SDK1: variants seen among roughly 807,000 people sequenced by gnomAD.
SDK1 encodes protein sidekick-1.
A neutral mutation model predicts 245.5 loss-of-function variants in SDK1; 157 were observed. That is an observed-to-expected ratio of 0.64 (90% confidence interval 0.56 to 0.73). The LOEUF (loss-of-function observed/expected upper bound fraction) is 0.73. SDK1 is among the 30% of genes least tolerant of loss of function. The pLI is 0.00. For synonymous variants in SDK1, 1,647 were observed against 1,278.5 expected (o/e 1.29, Z -6.15); for missense variants, 3,583 against 3,002.3 (o/e 1.19, Z -4.52).
chr7:3,527,263 T>A (rs1443399322), intron 1 of SDK1, among the ~76,000 whole-genome samples: 1 of 152,218 alleles, frequency 6.6e-6, no homozygotes, highest in Non-Finnish European at 1.5e-5. Flanking sequence ...ATATACAAAT[T>A]ACATTCTAGT....
chr7:3,616,808 T>C (rs1342988726), intron 1 of SDK1, among the ~76,000 whole-genome samples: 1 of 152,224 alleles, frequency 6.6e-6, no homozygotes, highest in Non-Finnish European at 1.5e-5. Flanking sequence ...AGTGTTAACA[T>C]TTCTAATGTG....
At chr7:4,172,289 A>T (rs1001527944) in intron 32 of SDK1, among the ~76,000 whole-genome samples, 1 of 152,142 alleles carries the variant, frequency 6.6e-6, no homozygotes, top group African/African-American at 2.4e-5. Context: ...AAACCTCCTG[A>T]GTCTGCCGGG....
At chr7:3,472,147 C>G in intron 1 of SDK1, among the ~76,000 whole-genome samples, 1 of 152,132 alleles carries the variant, frequency 6.6e-6, no homozygotes, top group South Asian at 2.1e-4. Context: ...TGCATAGTTC[C>G]CTCCATTACT....
In SDK1 at chr7:4,026,338, A is replaced by G. The variant is rs1268280387; in HGVS notation, c.2602+8986A>G. Among the ~76,000 whole-genome samples the G allele has an allele frequency of 6.6e-6, 1 of 152,264 alleles. No homozygotes were observed. ...TTCCACCCTCGGTGGCCTTGGGCCC[A>G]TGTTTTAGAAGCTCAGCGTTTGGCA... On this transcript the variant is annotated intron_variant, in intron 17 of 44. Transcript: ENST00000404826. The surrounding 1 kb of genome is among the most constrained non-coding windows in gnomAD (Gnocchi z 4.1).
rs116487048 is a variant in SDK1, at chr7:4,106,649, G to A, written c.3325-4014G>A. Among the ~76,000 whole-genome samples the A allele has an allele frequency of 6.2e-3, 949 of 152,270 alleles. 14 individuals are homozygous for A. Among genetic ancestry groups the A allele is most frequent in the African/African-American group, 0.021 (874 of 41,570 alleles). On this transcript the variant is annotated intron_variant, in intron 22 of 44. Coordinates refer to ENST00000404826, the MANE Select transcript of SDK1 (RefSeq NM_152744.4). Reference sequence around the variant, plus strand: ...TCCCAGCATCTCTGCAGAGGGAGCCGCACGCCCGGCGTTCTCAGAGAAACC... The same window carrying A: ...TCCCAGCATCTCTGCAGAGGGAGCCACACGCCCGGCGTTCTCAGAGAAACC...
rs550757540 is a variant in SDK1, at chr7:4,152,621, A to G, written c.4625+3158A>G. Among the ~76,000 whole-genome samples the G allele has an allele frequency of 1.7e-4, 26 of 152,320 alleles. No individual in the cohort carries two copies. In the South Asian group the frequency reaches 5.0e-3, roughly 29 times the overall value. On this transcript the variant is annotated intron_variant, in intron 30 of 44. Transcript: ENST00000404826. ...TTTGGTATAGGAGAGACCAATGTCA[A>G]TTTCCTAATGGGCCAGAACTAGGAC... is the stretch of plus-strand genomic sequence containing the variant.
At chr7:3,806,731 G>A (rs1338994571) in intron 4 of SDK1, among the ~76,000 whole-genome samples, 1 of 152,202 alleles carries the variant, frequency 6.6e-6, no homozygotes, top group African/African-American at 2.4e-5. Context: ...GAGCAATTAC[G>A]TTTTATGTTA....
At chr7:3,673,971 C>T (rs965197633) in intron 4 of SDK1, among the ~76,000 whole-genome samples, 7 of 151,966 alleles carry the variant, frequency 4.6e-5, no homozygotes, top group African/African-American at 1.7e-4. Flanking sequence ...GAGATAATTT[C>T]TAATAACTTT....
In SDK1 at chr7:3,542,697, T is replaced by G. The variant is rs932612333; in HGVS notation, c.299-76383T>G. Among the ~76,000 whole-genome samples the G allele has an allele frequency of 3.3e-5, 5 of 152,250 alleles. 1 individual carries two copies. Among genetic ancestry groups the G allele is most frequent in the African/African-American group, 1.2e-4 (5 of 41,470 alleles). ...TTGGCTATGCCTTACAGTACTATTG[T>G]CTCTCTTTAAACCTCTCTTAGAAAC... On this transcript the variant is annotated intron_variant, in intron 1 of 44. Coordinates refer to ENST00000404826, the MANE Select transcript of SDK1 (RefSeq NM_152744.4).
Position 4,208,852 on chromosome 7 carries a change from G to A in SDK1, c.5401+567G>A, listed in dbSNP as rs531874135. 9.8e-5 allele frequency among the ~76,000 whole-genome samples: 15 copies of A among 152,334 alleles called. No individual in the cohort carries two copies. In the East Asian group the frequency reaches 2.9e-3, roughly 29 times the overall value. On this transcript the variant is annotated intron_variant, in intron 37 of 44. Coordinates refer to ENST00000404826, the MANE Select transcript of SDK1 (RefSeq NM_152744.4). The stretch of plus-strand genomic sequence containing the variant: ...TCTCCACGCACAGGGCGCAGCGCCT[G>A]TTCTCAGTCGACCCCTCTTCCAGCG...
At position 3,731,881 on chromosome 7, in the gene SDK1, T is replaced by TCCCAGG. The variant is rs528600031; in HGVS notation, c.714-89568_714-89563dup. Reference sequence around the variant, plus strand: ...ATGTTGGCTCACTGCAACCTCCACTTCCCAGGTTCAAGCGATTATCCTGCC... The same window carrying TCCCAGG: ...ATGTTGGCTCACTGCAACCTCCACTTCCCAGGCCCAGGTTCAAGCGATTATCCTGCC... On this transcript the variant is annotated intron_variant, in intron 4 of 44. Transcript: ENST00000404826. 3.5e-3 allele frequency among the ~76,000 whole-genome samples: 532 copies of TCCCAGG among 152,258 alleles called. 4 individuals carry two copies. Among genetic ancestry groups the TCCCAGG allele is most frequent in the South Asian group, 0.016 (79 of 4,818 alleles).
At chr7:4,059,881 CTTTTTTT>C (rs538796519) in intron 19 of SDK1, among the ~76,000 whole-genome samples, 1 of 139,856 alleles carries the variant, frequency 7.2e-6, no homozygotes, top group Non-Finnish European at 1.6e-5. Context: ...TTAAAAATTT[CTTTTTTT>C]TTTTTTTTTG....
intron 1 of SDK1, among the ~76,000 whole-genome samples, chr7:3,410,371 G>C (rs1017666851): frequency 6.6e-6 from 1 of 152,008 alleles, no homozygotes; most frequent in Admixed American, 6.6e-5. Flanking sequence ...TATTAGACCT[G>C]TGTCCCATCT....
chr7:4,231,433 C>T (rs1023621978), intron 40 of SDK1, among the ~76,000 whole-genome samples: 2 of 151,748 alleles, frequency 1.3e-5, no homozygotes, highest in Admixed American at 6.6e-5. Context: ...CTTAGCCAGG[C>T]GTGGTGGCGC....
At chr7:3,628,621 A>G (rs1024595660) in intron 2 of SDK1, among the ~76,000 whole-genome samples, 11 of 152,198 alleles carry the variant, frequency 7.2e-5, no homozygotes, top group African/African-American at 2.2e-4. Context: ...GGCAGCTTCT[A>G]GAACTATTGT....
intron 4 of SDK1, among the ~76,000 whole-genome samples, chr7:3,801,616 A>G (rs1374907169): frequency 6.6e-6 from 1 of 152,182 alleles, no homozygotes; most frequent in Non-Finnish European, 1.5e-5. Flanking sequence ...GGATGGATTG[A>G]TGATGAGTCC....
chr7:4,051,014 T>A (rs1450149924), intron 18 of SDK1, among the ~76,000 whole-genome samples: 1 of 141,956 alleles, frequency 7.0e-6, no homozygotes, highest in African/African-American at 2.6e-5. Flanking sequence ...TATAGTATAC[T>A]ATATGTGTAT....
intron 22 of SDK1, among the ~76,000 whole-genome samples, chr7:4,092,315 C>T (rs1293339260): frequency 6.6e-6 from 1 of 152,198 alleles, no homozygotes; most frequent in Non-Finnish European, 1.5e-5. Flanking sequence ...CGCCTACCCC[C>T]TGTCCCGTGG....
chr7:3,867,276 C>G (rs959415969), intron 5 of SDK1, among the ~76,000 whole-genome samples: 2 of 152,072 alleles, frequency 1.3e-5, no homozygotes, highest in African/African-American at 4.8e-5. Flanking sequence ...AAAGAGTGGA[C>G]TCTTCATTGA....
Sources: gnomAD v4.1 joint callset for allele counts (sites outside exome capture counted in the v4.1 genomes callset) on GRCh38, gnomAD v4.1.1 for gene constraint, Gnocchi (gnomAD v3.1) non-coding constraint, MANE v1.5 for transcripts, NCBI Gene and HGNC (gene_info 2026-07-23, HGNC 2026-07-21) for gene names.